TSPOAP1: variants seen among roughly 807,000 people sequenced by gnomAD.
TSPOAP1 encodes peripheral-type benzodiazepine receptor-associated protein 1.
TSPOAP1 carries 87 observed loss-of-function variants against 197.0 expected under a neutral mutation model. The observed-to-expected ratio is 0.44, with a 90% CI of 0.37 to 0.53. TSPOAP1 has a LOEUF of 0.53. TSPOAP1 is among the 20% of genes least tolerant of loss of function. The pLI, the probability that TSPOAP1 is intolerant of heterozygous loss-of-function variation, is 0.00. For synonymous variants in TSPOAP1, 913 were observed against 998.9 expected (o/e 0.91, Z 1.62); for missense variants, 2,174 against 2,411.3 (o/e 0.90, Z 2.06).
Position 58,322,030 on chromosome 17 carries a change from CA to C in TSPOAP1, c.1422+277del, listed in dbSNP as rs914546644. On this transcript the variant is annotated intron_variant, in intron 10 of 31. Coordinates refer to ENST00000343736, the MANE Select transcript of TSPOAP1 (RefSeq NM_004758.4). This position sits in a 1 kb window ranked among gnomAD's most constrained non-coding sequence, Gnocchi z 5.0. ...CTGGCAAGGTCAATTGTCACCTCCTCAGGGAGGCCTTCCCTGATGACCTCTA... is the reference window on the plus strand; with the variant it reads ...CTGGCAAGGTCAATTGTCACCTCCTCGGGAGGCCTTCCCTGATGACCTCTA... The C allele has an allele frequency of 2.3e-6, 1 of 433,152 alleles. No individual in the cohort carries two copies. Among genetic ancestry groups the C allele is most frequent in the African/African-American group, 2.0e-5 (1 of 49,580 alleles). The allele number at this position is 433,152 out of a possible 1,614,324, so 26.8% of individuals were successfully genotyped here.
At chr17:58,308,194 C>T (rs1010663150) in intron 22 of TSPOAP1, among the ~76,000 whole-genome samples, 1 of 152,194 alleles carries the variant, frequency 6.6e-6, no homozygotes, top group African/African-American at 2.4e-5. Context: ...GGCTGAGGAG[C>T]CCGCGAGAGG....
At chr17:58,313,081 G>C (rs1357059255) in intron 16 of TSPOAP1, among the ~76,000 whole-genome samples, 1 of 152,188 alleles carries the variant, frequency 6.6e-6, no homozygotes, top group East Asian at 1.9e-4. Context: ...GGATGGAGGA[G>C]AATATCATGT....
At position 58,305,638 on chromosome 17, in the gene TSPOAP1, G is replaced by T. The variant is rs750208459; in HGVS notation, c.5263C>A (p.Pro1755Thr). The T allele has an allele frequency of 1.3e-6, 2 of 1,523,994 alleles. No homozygotes were observed. Among genetic ancestry groups the T allele is most frequent in the Non-Finnish European group, 1.8e-6 (2 of 1,129,266 alleles). The allele number at this position is 1,523,994 out of a possible 1,614,324, so 94.4% of individuals were successfully genotyped here. ...AGGTCAGCAGAGGGGACCAGCTTAG[G>T]GGGGCCTGCAGGGGGAGTAGGAGAA... Reference protein sequence around the residue: ...EGPAQPCPGPPKLVPSADLKA... With the variant: ...EGPAQPCPGPTKLVPSADLKA... The change falls in exon 28 of 32, where the codon CCT (proline) becomes ACT (threonine). Residue 1755 changes from proline (P) to threonine (T), a missense_variant. Physicochemically the swap from Pro to Thr is conservative, Grantham distance 38. Transcript: ENST00000343736.
chr17:58,317,494 C>G (rs1164025808), intron 14 of TSPOAP1, among the ~76,000 whole-genome samples: 1 of 152,208 alleles, frequency 6.6e-6, no homozygotes, highest in African/African-American at 2.4e-5. Flanking sequence ...CTGCCAATGC[C>G]TGGGAGAAGG....
chr17:58,309,563 C>A lies in TSPOAP1; in HGVS notation c.3892-183G>T, dbSNP rs1309947724. On this transcript the variant is annotated intron_variant, in intron 21 of 31. Coordinates refer to ENST00000343736, the MANE Select transcript of TSPOAP1 (RefSeq NM_004758.4). This position sits in a 1 kb window ranked among gnomAD's most constrained non-coding sequence, Gnocchi z 5.0. ...GGACGGTGGCTGGCCCAAATTCACACACATATCCAGTGAGAGCCAAAGGAA... is the reference window on the plus strand; with the variant it reads ...GGACGGTGGCTGGCCCAAATTCACAAACATATCCAGTGAGAGCCAAAGGAA... Among the ~76,000 whole-genome samples the A allele has an allele frequency of 6.6e-6, 1 of 151,942 alleles. No individual in the cohort carries two copies. The highest frequency in any genetic ancestry group is 1.5e-5 in the Non-Finnish European group (1 of 67,986).
rs764472869 is a variant in TSPOAP1, at chr17:58,304,781, G to A, written c.5544+280C>T. ...GAGGCAGAGGGGTCCTTTTCCACAG[G>A]GCCCCCTCACCTGCGTCAGCCACCA... is the stretch of plus-strand genomic sequence containing the variant. On this transcript the variant is annotated intron_variant, in intron 30 of 31. Transcript: ENST00000343736. The surrounding 1 kb of genome is among the most constrained non-coding windows in gnomAD (Gnocchi z 4.2). The A allele has an allele frequency of 5.0e-6, 3 of 597,544 alleles. No individual in the cohort carries two copies. The highest frequency in any genetic ancestry group is 9.2e-6 in the Non-Finnish European group (3 of 327,108). The allele number at this position is 597,544 out of a possible 1,614,324, so 37.0% of individuals were successfully genotyped here.
chr17:58,310,308 A>G, intron 20 of TSPOAP1, 150 bp from the exon 21 acceptor site: 2 of 1,118,734 alleles, frequency 1.8e-6, no homozygotes, highest in Non-Finnish European at 2.5e-6. Context: ...ACCATGGCTC[A>G]GGGGCAGGGT....
In TSPOAP1 at chr17:58,312,643, G is replaced by C. The variant is rs1355928003; in HGVS notation, c.2178C>G (p.Ser726=). The change falls in exon 17 of 32, where the codon TCC becomes TCG. Residue 726 remains serine, a synonymous_variant. Transcript: ENST00000343736. ...ERVSDDDLLT[S]LPPELADLSH... is the part of the protein sequence containing the mutation. ...ACAAATCGGCCAGCTCTGGAGGGAGGGAGGTCAGGAGGTCATCATCCGACA... is the reference window on the plus strand; with the variant it reads ...ACAAATCGGCCAGCTCTGGAGGGAGCGAGGTCAGGAGGTCATCATCCGACA... 4.3e-6 allele frequency: 7 copies of C among 1,613,706 alleles called. No homozygotes were observed. The highest frequency in any genetic ancestry group is 4.2e-6 in the Non-Finnish European group (5 of 1,180,046).
Position 58,309,495 on chromosome 17 carries a change from C to T in TSPOAP1, c.3892-115G>A. 7.3e-7 allele frequency: 1 copy of T among 1,374,064 alleles called. No individual in the cohort carries two copies. Among genetic ancestry groups the T allele is most frequent in the Non-Finnish European group, 9.7e-7 (1 of 1,035,112 alleles). 85.1% of individuals were successfully genotyped at this position (1,374,064 alleles called of 1,614,324 possible). On this transcript the variant is annotated intron_variant, in intron 21 of 31. Coordinates refer to ENST00000343736, the MANE Select transcript of TSPOAP1 (RefSeq NM_004758.4). This position sits in a 1 kb window ranked among gnomAD's most constrained non-coding sequence, Gnocchi z 5.0. ...ACGAAGGCAGGGGTTACGGACAACC[C>T]CACAGCCCTCCCACGGCTTCCTCCG...
At position 58,307,824 on chromosome 17, in the gene TSPOAP1, G is replaced by GC; in HGVS notation, c.4831+17dup. On this transcript the variant is annotated intron_variant, in intron 23 of 31. Transcript: ENST00000343736. The stretch of plus-strand genomic sequence containing the variant: ...CTCTGGCCGAGCAGCTCTAGCTCCA[G>GC]CCCCATCAGGTGCTCACCTAGCTCT... The GC allele has an allele frequency of 6.2e-7, 1 of 1,613,846 alleles. No individual in the cohort carries two copies. The highest frequency in any genetic ancestry group is 8.5e-7 in the Non-Finnish European group (1 of 1,179,946).
chr17:58,325,743 C>A (rs764832143), intron 3 of TSPOAP1, 30 bp from the exon 4 acceptor site: 3 of 1,567,676 alleles, frequency 1.9e-6, no homozygotes, highest in Admixed American at 3.5e-5. Flanking sequence ...GGCCAATGGT[C>A]ACCTGAGGGC....
At position 58,309,379 on chromosome 17, in the gene TSPOAP1, G is replaced by C; in HGVS notation, c.3893C>G (p.Ser1298Cys). 1 of 1,605,964 alleles carries C rather than the reference G, an allele frequency of 6.2e-7. No homozygotes were observed. The highest frequency in any genetic ancestry group is 8.5e-7 in the Non-Finnish European group (1 of 1,176,930). Reference sequence around the variant, plus strand: ...AGTCTCACAAAAGGGGTCGGGCTGGGACTGGTGGAGGTGGGGAGGTGGGAG... The same window carrying C: ...AGTCTCACAAAAGGGGTCGGGCTGGCACTGGTGGAGGTGGGGAGGTGGGAG... ...GNSIRENGAK[S>C]QPDPFCETDS... is the part of the protein sequence containing the mutation. Residue 1298 changes from serine (S) to cysteine (C), a missense_variant and splice_region_variant, in exon 22 of 32, where the codon TCC becomes TGC. By Grantham distance (112) the Ser-to-Cys change is moderately radical. This residue lies in a region of TSPOAP1 where 1,933 missense variants were observed against 2,139.0 expected (regional missense o/e 0.90). Transcript: ENST00000343736. The surrounding 1 kb of genome is among the most constrained non-coding windows in gnomAD (Gnocchi z 5.0).
intron 29 of TSPOAP1, 71 bp from the exon 30 acceptor site, chr17:58,305,242 C>T (rs770927643): frequency 4.0e-6 from 6 of 1,489,872 alleles, no homozygotes; most frequent in Admixed American, 3.4e-5. Context: ...CTCTGATGCC[C>T]CTGGGGAACA....
chr17:58,319,284 C>T lies in TSPOAP1; in HGVS notation c.1505G>A (p.Arg502Gln), dbSNP rs868213642. The change falls in exon 13 of 32, where the codon CGA (arginine) becomes CAA (glutamine). Residue 502 changes from arginine to glutamine, a missense_variant. Physicochemically the swap from Arg to Gln is conservative, Grantham distance 43. This residue lies in a region of TSPOAP1 where 1,933 missense variants were observed against 2,139.0 expected (regional missense o/e 0.90). Coordinates refer to ENST00000343736, the MANE Select transcript of TSPOAP1 (RefSeq NM_004758.4). The stretch of plus-strand genomic sequence containing the variant: ...GCTGCGGCACTGTTCTTCGAGCTCT[C>T]GAACCCGGGCCTGGGCCAAGACCCA... Reference protein sequence around the residue: ...STLDSMQARVRELEEQCRSQT... With the variant: ...STLDSMQARVQELEEQCRSQT... The T allele has an allele frequency of 1.3e-5, 21 of 1,578,046 alleles. No homozygotes were observed. Among genetic ancestry groups the T allele is most frequent in the South Asian group, 8.1e-5 (7 of 86,254 alleles).
rs376629455 is a variant in TSPOAP1 at position 58,308,526 on chromosome 17, G to A, written c.4731+15C>T. 9.9e-6 allele frequency: 15 copies of A among 1,508,238 alleles called. No individual in the cohort carries two copies. Among genetic ancestry groups the A allele is most frequent in the African/African-American group, 1.4e-5 (1 of 71,554 alleles). 93.4% of individuals were successfully genotyped at this position (1,508,238 alleles called of 1,614,324 possible). ...AGCAGGCAGGGGCTGCCCAGGGCGGGGAGTGAGCACGGACCCGGGAGAGTG... is the reference window on the plus strand; with the variant it reads ...AGCAGGCAGGGGCTGCCCAGGGCGGAGAGTGAGCACGGACCCGGGAGAGTG... On this transcript the variant is annotated intron_variant, in intron 22 of 31. Transcript: ENST00000343736.
chr17:58,316,324 A>T, intron 15 of TSPOAP1, 101 bp downstream of exon 15: 2 of 1,181,918 alleles, frequency 1.7e-6, no homozygotes, highest in Non-Finnish European at 1.2e-6. Flanking sequence ...TGTGTCCTGT[A>T]CTGCCCCCAC....
At chr17:58,318,212 C>G (rs1971297528) in intron 14 of TSPOAP1, 68 bp downstream of exon 14, 1 of 1,566,824 alleles carries the variant, frequency 6.4e-7, no homozygotes. Context: ...CAGAAGAGGT[C>G]AGGGCCACCT....
intron 12 of TSPOAP1, among the ~76,000 whole-genome samples, chr17:58,319,892 A>T (rs961778578): frequency 6.6e-6 from 1 of 152,156 alleles, no homozygotes. Flanking sequence ...GTGGCTAGAG[A>T]GGGGAGGCCC....
chr17:58,306,759 G>T, intron 25 of TSPOAP1, 41 bp downstream of exon 25: 1 of 1,583,498 alleles, frequency 6.3e-7, no homozygotes, highest in South Asian at 1.1e-5. Context: ...AGTTGGAAGG[G>T]GGCTGGTGGG....
Sources: allele counts gnomAD v4.1 joint callset (sites outside exome capture counted in the v4.1 genomes callset), GRCh38; gene constraint gnomAD v4.1.1; regional missense constraint gnomAD v4.1.1; non-coding constraint Gnocchi (gnomAD v3.1); transcripts MANE v1.5; gene names NCBI Gene and HGNC (gene_info 2026-07-23, HGNC 2026-07-21).